The following PECAM1 variants were observed in gnomAD, a reference collection of about 807,000 sequenced individuals.
PECAM1 encodes platelet and endothelial cell adhesion molecule 1, also known as platelet endothelial cell adhesion molecule.
Under a neutral mutation model 13.8 loss-of-function variants are expected in PECAM1, and 8 were observed. The ratio of observed to expected loss-of-function variants is 0.58; its 90% CI spans 0.34 to 1.05. The LOEUF is 1.05. Among genes scored for constraint, PECAM1 ranks in the 50% least tolerant of loss-of-function variants. The probability of loss-of-function intolerance (pLI) is 0.03; values close to 1 mark genes in which losing one functional copy is unlikely to be tolerated. For synonymous variants in PECAM1, 136 were observed against 52.6 expected (o/e 2.58, Z -6.86); for missense variants, 304 against 141.2 (o/e 2.15, Z -5.84).
rs2034855189 is a variant in PECAM1 at position 64,323,418 on chromosome 17, C to T, written c.*398G>A. On this transcript the variant is annotated 3_prime_UTR_variant, in exon 16 of 16. Transcript: ENST00000563924. ...AACCAGCCTCTAACCAGGCCATGCGCTAGAAATGATTGAGTATAAAAAAGA... is the reference window on the plus strand; with the variant it reads ...AACCAGCCTCTAACCAGGCCATGCGTTAGAAATGATTGAGTATAAAAAAGA... 8.8e-7 allele frequency: 1 copy of T among 1,134,328 alleles called. No homozygotes were observed. The highest frequency in any genetic ancestry group is 1.1e-6 in the Non-Finnish European group (1 of 918,442). 70.3% of individuals were successfully genotyped at this position (1,134,328 alleles called of 1,614,324 possible). A position where few individuals can be genotyped will look rare whatever the true frequency, so the allele number is the denominator to read the frequency against.
At position 64,319,984 on chromosome 17, in the gene PECAM1, A is replaced by G. The variant is rs529941083; in HGVS notation, c.*3832T>C. ...GTGGGGGCCCTCACCTGTCCTGCTC[A>G]TGTTTGCCTAGCTCCCTACTCTAAC... On this transcript the variant is annotated 3_prime_UTR_variant, in exon 16 of 16. Coordinates refer to ENST00000563924, the MANE Select transcript of PECAM1 (RefSeq NM_000442.5). 6.6e-6 allele frequency: 1 copy of G among 152,206 alleles called. No individual in the cohort carries two copies. Among genetic ancestry groups the G allele is most frequent in the African/African-American group, 2.4e-5 (1 of 41,532 alleles). 9.4% of individuals were successfully genotyped at this position (152,206 alleles called of 1,614,324 possible).
At chr17:64,350,193 G>A (rs2035682745) in intron 12 of PECAM1, among the ~76,000 whole-genome samples, 187 bp downstream of exon 12, 1 of 152,088 alleles carries the variant, frequency 6.6e-6, no homozygotes, top group African/African-American at 2.4e-5. Context: ...CTTTCCCACT[G>A]AGGACACTAG....
intron 14 of PECAM1, among the ~76,000 whole-genome samples, chr17:64,334,680 T>A (rs2143702496): frequency 6.6e-6 from 1 of 152,282 alleles, no homozygotes; most frequent in East Asian, 1.9e-4. Context: ...GCTAATTTTT[T>A]GTATTTTTAG....
chr17:64,357,261 A>G (rs2035867083), intron 7 of PECAM1, among the ~76,000 whole-genome samples: 1 of 151,960 alleles, frequency 6.6e-6, no homozygotes, highest in Non-Finnish European at 1.5e-5. Flanking sequence ...CTCCTGGGTG[A>G]TTTCACCTAC....
intron 2 of PECAM1, among the ~76,000 whole-genome samples, chr17:64,382,866 C>G (rs896493391): frequency 2.2e-4 from 34 of 151,876 alleles, no homozygotes; most frequent in Admixed American, 1.2e-3. Flanking sequence ...ATGGTGAAAC[C>G]CCATCTCTAT....
At chr17:64,358,298 T>C (rs1213065267) in intron 7 of PECAM1, among the ~76,000 whole-genome samples, 1 of 152,008 alleles carries the variant, frequency 6.6e-6, no homozygotes, top group Non-Finnish European at 1.5e-5. Flanking sequence ...TTTGTATTTT[T>C]AGTAGAGACG....
At position 64,378,035 on chromosome 17, in the gene PECAM1, G is replaced by A. The variant is rs1334709119; in HGVS notation, c.174C>T (p.Phe58=). ...CGTGAGAGGTGGTGCTGACATCCGC[G>A]AAGCACTGCAGGGTCAGGTTCTTCC... ...QNGKNLTLQC[F]ADVSTTSHVK... Residue 58 remains phenylalanine, a synonymous_variant, in exon 3 of 16, where the codon TTC becomes TTT. Coordinates refer to ENST00000563924, the MANE Select transcript of PECAM1 (RefSeq NM_000442.5). 11 of 475,322 alleles carry A rather than the reference G, an allele frequency of 2.3e-5. No individual in the cohort carries two copies. The highest frequency in any genetic ancestry group is 9.9e-5 in the African/African-American group (5 of 50,622). 29.4% of individuals were successfully genotyped at this position (475,322 alleles called of 1,614,324 possible). A position where few individuals can be genotyped will look rare whatever the true frequency, so the allele number is the denominator to read the frequency against.
intron 4 of PECAM1, among the ~76,000 whole-genome samples, chr17:64,371,073 G>C (rs900723367): frequency 3.3e-5 from 5 of 152,050 alleles, no homozygotes; most frequent in South Asian, 4.1e-4. Flanking sequence ...ATAGCTGAAG[G>C]GTGTTTTTCT....
chr17:64,335,367 C>T (rs1223333105), intron 14 of PECAM1, among the ~76,000 whole-genome samples: 2 of 151,710 alleles, frequency 1.3e-5, no homozygotes, highest in Non-Finnish European at 2.9e-5. Flanking sequence ...CATGCCACTG[C>T]ACTCCAGCCT....
intron 14 of PECAM1, among the ~76,000 whole-genome samples, chr17:64,336,823 A>T (rs2035289979): frequency 6.6e-6 from 1 of 151,882 alleles, no homozygotes; most frequent in Admixed American, 6.6e-5. Context: ...GTGCCACTGC[A>T]CTCCAGCCTG....
rs1384237450 is a variant in PECAM1, at chr17:64,361,127, A to ATGTGTGTGTGTGTGTGTGTGTGTG, written c.1217-713_1217-712insCACACACACACACACACACACACA. Among the ~76,000 whole-genome samples, 66 of 47,000 alleles carry ATGTGTGTGTGTGTGTGTGTGTGTG rather than the reference A, an allele frequency of 1.4e-3. 2 individuals carry two copies. The highest frequency in any genetic ancestry group is 3.2e-3 in the African/African-American group (65 of 20,128). The allele number at this position is 47,000 out of a possible 152,430, so 30.8% of individuals were successfully genotyped here. A position where few individuals can be genotyped will look rare whatever the true frequency, so the allele number is the denominator to read the frequency against. On this transcript the variant is annotated intron_variant, in intron 6 of 15. Coordinates refer to ENST00000563924, the MANE Select transcript of PECAM1 (RefSeq NM_000442.5). Reference sequence around the variant, plus strand: ...TGAGCCACCACACCTGGCTGAGCATATATGTGTGTGTGTGTGTGTGTGTGT... The same window carrying ATGTGTGTGTGTGTGTGTGTGTGTG: ...TGAGCCACCACACCTGGCTGAGCATATGTGTGTGTGTGTGTGTGTGTGTGTATGTGTGTGTGTGTGTGTGTGTGT...
chr17:64,335,102 G>A (rs1259969079), intron 14 of PECAM1, among the ~76,000 whole-genome samples: 2 of 145,688 alleles, frequency 1.4e-5, no homozygotes, highest in Non-Finnish European at 3.0e-5. Context: ...TAGTGAATGG[G>A]AAATTCACAG....
chr17:64,346,429 C>T lies in PECAM1; in HGVS notation c.2107+1831G>A, dbSNP rs893702793. ...CTGGCTCACTGCAACCTCTGCCTCC[C>T]GGGTTCAAGCGATTCTTCTGCCTCA... On this transcript the variant is annotated intron_variant, in intron 13 of 15. Coordinates refer to ENST00000563924, the MANE Select transcript of PECAM1 (RefSeq NM_000442.5). Among the ~76,000 whole-genome samples, 19 of 152,214 alleles carry T rather than the reference C, an allele frequency of 1.2e-4. No individual in the cohort carries two copies. The South Asian group carries it at 1.9e-3, about 15-fold the overall frequency.
chr17:64,332,752 C>G (rs1268254595), intron 14 of PECAM1, among the ~76,000 whole-genome samples: 1 of 152,234 alleles, frequency 6.6e-6, no homozygotes, highest in Non-Finnish European at 1.5e-5. Flanking sequence ...CACGGCTACT[C>G]TCGGCCCAGC....
At chr17:64,358,620 C>T (rs1156981311) in intron 7 of PECAM1, among the ~76,000 whole-genome samples, 2 of 152,128 alleles carry the variant, frequency 1.3e-5, no homozygotes, top group Admixed American at 6.6e-5. Flanking sequence ...GGATATAGTT[C>T]ACGTGACAAC....
At chr17:64,333,667 G>A (rs1389683930) in intron 14 of PECAM1, among the ~76,000 whole-genome samples, 2 of 151,726 alleles carry the variant, frequency 1.3e-5, no homozygotes, top group African/African-American at 4.8e-5. Context: ...GAATAAAATT[G>A]TAAAAAGTAA....
intron 13 of PECAM1, among the ~76,000 whole-genome samples, chr17:64,344,901 A>G (rs1159863991): frequency 6.6e-6 from 1 of 152,106 alleles, no homozygotes; most frequent in Non-Finnish European, 1.5e-5. Flanking sequence ...TTTTGTGCAA[A>G]TGGGGAAAGA....
At chr17:64,362,358 T>C (rs1178737224) in intron 6 of PECAM1, among the ~76,000 whole-genome samples, 4 of 152,114 alleles carry the variant, frequency 2.6e-5, no homozygotes, top group African/African-American at 9.7e-5. Context: ...AATGGAATTT[T>C]GATATTCTTG....
Position 64,321,433 on chromosome 17 carries a change from T to C in PECAM1, c.*2383A>G, listed in dbSNP as rs1598264721. ...GCATGAAGTTTCCTCCTCGGAAATATAGGCAGAAGGGAAAGTAATTTTAAA... is the reference window on the plus strand; with the variant it reads ...GCATGAAGTTTCCTCCTCGGAAATACAGGCAGAAGGGAAAGTAATTTTAAA... On this transcript the variant is annotated 3_prime_UTR_variant, in exon 16 of 16. Coordinates refer to ENST00000563924, the MANE Select transcript of PECAM1 (RefSeq NM_000442.5). 1.0e-6 allele frequency: 1 copy of C among 986,564 alleles called. No individual in the cohort carries two copies. Among genetic ancestry groups the C allele is most frequent in the Non-Finnish European group, 1.2e-6 (1 of 830,582 alleles). The allele number at this position is 986,564 out of a possible 1,614,324, so 61.1% of individuals were successfully genotyped here.
Sources: gnomAD v4.1 joint callset for allele counts (sites outside exome capture counted in the v4.1 genomes callset) on GRCh38, gnomAD v4.1.1 for gene constraint, MANE v1.5 for transcripts, NCBI Gene and HGNC (gene_info 2026-07-23, HGNC 2026-07-21) for gene names.